POLQ: variants seen among roughly 807,000 people sequenced by gnomAD.
POLQ encodes epididymis secretory sperm binding protein.
In POLQ, 233 loss-of-function variants were observed where a neutral mutation model predicts 259.2. That is an observed-to-expected ratio of 0.90 (90% confidence interval 0.81 to 1.00). The LOEUF is 1.00. POLQ is among the 50% of genes least tolerant of loss of function. POLQ has a pLI of 0.00. For synonymous variants in POLQ, 1,025 were observed against 1,048.8 expected, an observed-to-expected ratio of 0.98 and a Z score of 0.44; for missense variants, 2,871 against 3,051.6, an observed-to-expected ratio of 0.94 and a Z score of 1.39.
intron 15 of POLQ, among the ~76,000 whole-genome samples, chr3:121,490,771 C>T (rs2048061719): frequency 6.6e-6 from 1 of 152,102 alleles, no homozygotes; most frequent in African/African-American, 2.4e-5. Flanking sequence ...GAAAAACATC[C>T]GGCCGGGCGC....
intron 16 of POLQ, among the ~76,000 whole-genome samples, chr3:121,485,748 T>C (rs1364097047): frequency 2.0e-5 from 3 of 152,336 alleles, no homozygotes; most frequent in East Asian, 3.9e-4. Context: ...TTTATCCCTC[T>C]AGCCTCTATT....
chr3:121,486,935 G>C (rs561867096), intron 16 of POLQ, among the ~76,000 whole-genome samples: 3 of 151,304 alleles, frequency 2.0e-5, no homozygotes, highest in African/African-American at 7.3e-5. Context: ...GAAAAGAAAA[G>C]AAAGGAGAAA....
At chr3:121,501,026 C>T (rs1304500781) in intron 12 of POLQ, among the ~76,000 whole-genome samples, 2 of 152,148 alleles carry the variant, frequency 1.3e-5, no homozygotes, top group Non-Finnish European at 2.9e-5. Flanking sequence ...TGCAGTGGCA[C>T]GATCTCAGCT....
intron 3 of POLQ, 37 bp downstream of exon 3, chr3:121,541,312 A>T: frequency 2.0e-6 from 3 of 1,498,698 alleles, no homozygotes; most frequent in Non-Finnish European, 2.7e-6. Flanking sequence ...GCCAATAATG[A>T]GCCTTTCACT....
chr3:121,501,717 T>C (rs572412072), intron 12 of POLQ, among the ~76,000 whole-genome samples: 32 of 138,206 alleles, frequency 2.3e-4, no homozygotes, highest in South Asian at 1.4e-3. Flanking sequence ...CAGCGGCTCA[T>C]GCCTGTAATC....
intron 24 of POLQ, 146 bp from the exon 25 acceptor site, chr3:121,460,380 T>G (rs2047782342): frequency 1.6e-6 from 1 of 616,596 alleles, no homozygotes; most frequent in African/African-American, 1.8e-5. Flanking sequence ...AAAACCTTCC[T>G]CTTAATATGA....
intron 26 of POLQ, among the ~76,000 whole-genome samples, chr3:121,448,351 G>A (rs1160904446): frequency 6.6e-6 from 1 of 151,646 alleles, no homozygotes; most frequent in Non-Finnish European, 1.5e-5. Flanking sequence ...ATTTCTGCTT[G>A]ATTCTTTTCA....
At chr3:121,541,581 C>G in intron 2 of POLQ, 102 bp from the exon 3 acceptor site, 1 of 1,023,780 alleles carries the variant, frequency 9.8e-7, no homozygotes, top group South Asian at 1.7e-5. Flanking sequence ...GAGCCTAAGG[C>G]TAACCAATCA....
chr3:121,488,640 T>G lies in POLQ; in HGVS notation c.4291A>C (p.Lys1431Gln). Residue 1431 changes from lysine (K) to glutamine (Q), a missense_variant, in exon 16 of 30, where the codon AAA (lysine) becomes CAA (glutamine). Transcript: ENST00000264233. The part of the protein sequence containing the change: ...ILLEENGLFL[K>Q]KNEVSVTDSQ... ...TCAGTAACAGAAACTTCATTCTTTTTTAAAAAAAGACCATTTTCCTCCAAT... is the reference window on the plus strand; with the variant it reads ...TCAGTAACAGAAACTTCATTCTTTTGTAAAAAAAGACCATTTTCCTCCAAT... 1 of 1,601,816 alleles carries G rather than the reference T, an allele frequency of 6.2e-7. No homozygotes were observed. The highest frequency in any genetic ancestry group is 8.5e-7 in the Non-Finnish European group (1 of 1,177,090).
intron 25 of POLQ, among the ~76,000 whole-genome samples, chr3:121,452,391 G>A (rs936394596): frequency 2.0e-5 from 3 of 152,020 alleles, no homozygotes; most frequent in South Asian, 2.1e-4. Flanking sequence ...GACTGGAGCT[G>A]TTCCAATTCG....
At chr3:121,504,111 G>A (rs188291472) in intron 12 of POLQ, among the ~76,000 whole-genome samples, 44 of 152,160 alleles carry the variant, frequency 2.9e-4, no homozygotes, top group African/African-American at 9.6e-4. Context: ...CAGATGATCC[G>A]CTGAAAGAAT....
intron 9 of POLQ, among the ~76,000 whole-genome samples, chr3:121,513,514 AT>A (rs1206527743): frequency 6.7e-6 from 1 of 148,964 alleles, no homozygotes; most frequent in Non-Finnish European, 1.5e-5. Context: ...AGGCACGAGA[AT>A]CACTTGAACC....
intron 25 of POLQ, among the ~76,000 whole-genome samples, chr3:121,458,292 G>A (rs1039380980): frequency 2.6e-5 from 4 of 151,916 alleles, no homozygotes; most frequent in African/African-American, 9.7e-5. Context: ...GCTAAATGAC[G>A]AGTTAATGGG....
chr3:121,533,199 G>C lies in POLQ; in HGVS notation c.751C>G (p.Leu251Val), dbSNP rs770496473. The C allele has an allele frequency of 6.4e-7, 1 of 1,568,864 alleles. No individual in the cohort carries two copies. Among genetic ancestry groups the C allele is most frequent in the South Asian group, 1.2e-5 (1 of 85,558 alleles). The change falls in exon 6 of 30, where the codon CTA becomes GTA. Residue 251 changes from leucine to valine, a missense_variant. This residue lies in a region of POLQ where 783 missense variants were observed against 906.2 expected (regional missense o/e 0.86). Transcript: ENST00000264233. Reference sequence around the variant, plus strand: ...ACAGCATTAGACAGAGAACTGGCTAGATCTGCCTGACTGTAAAAAAACAAA... The same window carrying C: ...ACAGCATTAGACAGAGAACTGGCTACATCTGCCTGACTGTAAAAAAACAAA... ...TRKSASCQAD[L>V]ASSLSNAVQI...
rs548152866 is a variant in POLQ at position 121,492,081 on chromosome 3, G to A, written c.2522+1397C>T. 2.0e-5 allele frequency among the ~76,000 whole-genome samples: 3 copies of A among 151,294 alleles called. No individual in the cohort carries two copies. The East Asian group carries it at 5.9e-4, about 30-fold the overall frequency. On this transcript the variant is annotated intron_variant, in intron 15 of 29. Transcript: ENST00000264233. Reference sequence around the variant, plus strand: ...GAAAAATTGTCTTCCATGGGCAAGAGATATGCAAGAGCAAAGAGGATAGTA... The same window carrying A: ...GAAAAATTGTCTTCCATGGGCAAGAAATATGCAAGAGCAAAGAGGATAGTA...
rs774876063 is a variant in POLQ, at chr3:121,493,694, A to G, written c.2306T>C (p.Leu769Pro). The G allele has an allele frequency of 1.2e-5, 20 of 1,613,880 alleles. No individual in the cohort carries two copies. In the South Asian group the frequency reaches 2.0e-4, roughly 16 times the overall value. The change falls in exon 15 of 30, where the codon CTG becomes CCG. Residue 769 changes from leucine to proline, a missense_variant. Leu to Pro is a moderately conservative substitution (Grantham distance 98). Transcript: ENST00000264233. Reference protein sequence around the residue: ...AGMITVFSNRLGWHNMELLLS... With the variant: ...AGMITVFSNRPGWHNMELLLS... The stretch of plus-strand genomic sequence containing the variant: ...TAGTAGTTCCATGTTGTGCCAGCCC[A>G]GACGGTTGGAAAATACTGTAATCAT...
At position 121,468,325 on chromosome 3, in the gene POLQ, T is replaced by C. The variant is rs370703139; in HGVS notation, c.6825A>G (p.Lys2275=). 49 of 1,612,562 alleles carry C rather than the reference T, an allele frequency of 3.0e-5. No individual in the cohort carries two copies. Among genetic ancestry groups the C allele is most frequent in the Non-Finnish European group, 3.8e-5 (45 of 1,178,954 alleles). The change falls in exon 23 of 30, where the codon AAA becomes AAG. Residue 2275 remains lysine, a synonymous_variant. Coordinates refer to ENST00000264233, the MANE Select transcript of POLQ (RefSeq NM_199420.4). ...CCTACCTGCCCATGGGAAGTAGGCC[T>C]TTGCCTACAGCTTGAGAAGGTGGGC... ...GESPPSQAVG[K]GLLPMGRGKY...
chr3:121,451,994 C>T (rs1011032794), intron 25 of POLQ, among the ~76,000 whole-genome samples: 6 of 150,748 alleles, frequency 4.0e-5, no homozygotes, highest in African/African-American at 1.5e-4. Context: ...TGGCGGGCGC[C>T]CCTCCCCCAG....
At chr3:121,525,213 C>T (rs928132668) in intron 7 of POLQ, among the ~76,000 whole-genome samples, 23 of 151,950 alleles carry the variant, frequency 1.5e-4, no homozygotes, top group African/African-American at 4.8e-4. Context: ...TGGTGGTGGG[C>T]ACCTGTAGTC....
Sources: gnomAD v4.1 joint callset for allele counts (sites outside exome capture counted in the v4.1 genomes callset) on GRCh38, gnomAD v4.1.1 for gene constraint, gnomAD v4.1.1 regional missense constraint, MANE v1.5 for transcripts, NCBI Gene and HGNC (gene_info 2026-07-23, HGNC 2026-07-21) for gene names.